The following TTLL5 variants were observed in gnomAD, a reference collection of about 807,000 sequenced individuals.
TTLL5 encodes tubulin polyglutamylase TTLL5.
In TTLL5, 132 loss-of-function variants were observed where a neutral mutation model predicts 168.4. That is an observed-to-expected ratio of 0.78 (90% CI 0.68 to 0.91). The LOEUF (loss-of-function observed/expected upper bound fraction) is 0.91, where lower values mean the gene tolerates loss of function less well. Ranked by LOEUF, TTLL5 falls within the 40% of genes least tolerant of loss-of-function variation. The probability of loss-of-function intolerance (pLI) is 0.00; values close to 1 mark genes in which losing one functional copy is unlikely to be tolerated. For synonymous variants in TTLL5, 546 were observed against 558.6 expected (o/e 0.98, Z 0.32); for missense variants, 1,545 against 1,581.5 (o/e 0.98, Z 0.39).
chr14:75,770,559 G>A (rs150218070), intron 20 of TTLL5, among the ~76,000 whole-genome samples: 144 of 152,286 alleles, frequency 9.5e-4, no homozygotes, highest in Non-Finnish European at 1.6e-3. Flanking sequence ...TCAGAAGGCC[G>A]ATCAGCTGAA....
chr14:75,856,794 T>C (rs1003441124), intron 28 of TTLL5, among the ~76,000 whole-genome samples: 1 of 152,036 alleles, frequency 6.6e-6, no homozygotes, highest in African/African-American at 2.4e-5. Context: ...TCCTGGCTAA[T>C]TTTTGTATTT....
At chr14:75,904,050 C>G in intron 31 of TTLL5, 1 of 1,191,258 alleles carries the variant, frequency 8.4e-7, no homozygotes, top group South Asian at 1.6e-5. Flanking sequence ...TACCTCATAA[C>G]CTTTTCTCTT....
At chr14:75,864,226 C>G (rs2030311884) in intron 29 of TTLL5, among the ~76,000 whole-genome samples, 1 of 152,126 alleles carries the variant, frequency 6.6e-6, no homozygotes, top group Non-Finnish European at 1.5e-5. Flanking sequence ...ATCTTTATTT[C>G]TAAATGTTCT....
At chr14:75,867,473 A>AT (rs1439065657) in intron 29 of TTLL5, among the ~76,000 whole-genome samples, 2 of 152,226 alleles carry the variant, frequency 1.3e-5, no homozygotes, top group Non-Finnish European at 2.9e-5. Flanking sequence ...TTAAAAATGA[A>AT]TTTCAGGGCC....
chr14:75,925,397 G>T lies in TTLL5; in HGVS notation c.3823+23173G>T, dbSNP rs1289523996. On this transcript the variant is annotated intron_variant, in intron 31 of 31. Coordinates refer to ENST00000298832, the MANE Select transcript of TTLL5 (RefSeq NM_015072.5). ...GACGGGGTCGCGACCGGGCAGAGGCGCTCCTCACATCCCAGACGGGGCGGC... is the reference window on the plus strand; with the variant it reads ...GACGGGGTCGCGACCGGGCAGAGGCTCTCCTCACATCCCAGACGGGGCGGC... 1.2e-4 allele frequency among the ~76,000 whole-genome samples: 3 copies of T among 24,810 alleles called. No homozygotes were observed. In the Admixed American group the frequency reaches 1.7e-3, roughly 14 times the overall value. The allele number at this position is 24,810 out of a possible 152,430, so 16.3% of individuals were successfully genotyped here. A position where few individuals can be genotyped will look rare whatever the true frequency, so the allele number is the denominator to read the frequency against.
chr14:75,775,377 AAT>A, intron 21 of TTLL5, 105 bp from the exon 22 acceptor site: 1 of 1,267,306 alleles, frequency 7.9e-7, no homozygotes, highest in Non-Finnish European at 1.1e-6. Flanking sequence ...TGAAATGTGT[AAT>A]ATATGTCTTC....
At chr14:75,745,237 T>C in intron 16 of TTLL5, 29 bp downstream of exon 16, 7 of 1,605,800 alleles carry the variant, frequency 4.4e-6, no homozygotes, top group Non-Finnish European at 6.0e-6. Flanking sequence ...TAGGCTTTTG[T>C]GGGTTAACAC....
rs1888722028 is a variant in TTLL5, at chr14:75,733,935, A to G, written c.1125-54A>G. 5 of 1,563,254 alleles carry G rather than the reference A, an allele frequency of 3.2e-6. No homozygotes were observed. In the East Asian group the frequency reaches 6.7e-5, roughly 21 times the overall value. The stretch of plus-strand genomic sequence containing the variant: ...TATTGGGACCCATCAGAGGGCGGCT[A>G]TTCTGTTAACCTACACACTTATCAA... On this transcript the variant is annotated intron_variant, in intron 13 of 31. Transcript: ENST00000298832.
chr14:75,811,858 T>G (rs2140393394), intron 27 of TTLL5, among the ~76,000 whole-genome samples: 1 of 152,282 alleles, frequency 6.6e-6, no homozygotes, highest in South Asian at 2.1e-4. Context: ...ATATTTTAAT[T>G]ATAGTGCTGG....
At chr14:75,845,371 G>A (rs1051085025) in intron 28 of TTLL5, among the ~76,000 whole-genome samples, 5 of 152,170 alleles carry the variant, frequency 3.3e-5, no homozygotes, top group African/African-American at 7.2e-5. Flanking sequence ...CTGTAGAATG[G>A]CCCTAGGGGT....
chr14:75,871,471 C>T (rs866793729), intron 29 of TTLL5, among the ~76,000 whole-genome samples: 4 of 151,892 alleles, frequency 2.6e-5, no homozygotes, highest in Non-Finnish European at 5.9e-5. Flanking sequence ...ATTGACTCTT[C>T]GTTTTCTTTT....
intron 31 of TTLL5, among the ~76,000 whole-genome samples, chr14:75,950,868 T>A (rs1316220199): frequency 6.6e-6 from 1 of 152,052 alleles, no homozygotes; most frequent in Non-Finnish European, 1.5e-5. Context: ...CTCAGGAGAC[T>A]GAGGTGAGAG....
chr14:75,863,624 T>C, intron 28 of TTLL5, 43 bp from the exon 29 acceptor site: 1 of 1,540,504 alleles, frequency 6.5e-7, no homozygotes, highest in Middle Eastern at 2.4e-4. Context: ...AGATTGTTCA[T>C]ACAGCCACTC....
At position 75,745,591 on chromosome 14, in the gene TTLL5, C is replaced by A. The variant is rs1406825117; in HGVS notation, c.1487+10C>A. 1.9e-6 allele frequency: 3 copies of A among 1,608,940 alleles called. No homozygotes were observed. The highest frequency in any genetic ancestry group is 2.2e-5 in the East Asian group (1 of 44,796). ...CATGGGAAATATATGGGTGAGGTGA[C>A]TACCTTTTTTTTTTATTCTTTACCT... On this transcript the variant is annotated intron_variant, in intron 17 of 31. Coordinates refer to ENST00000298832, the MANE Select transcript of TTLL5 (RefSeq NM_015072.5).
chr14:75,892,088 C>T (rs569468891), intron 30 of TTLL5, among the ~76,000 whole-genome samples: 68 of 152,256 alleles, frequency 4.5e-4, no homozygotes, highest in African/African-American at 1.6e-3. Flanking sequence ...ATTCTGATTT[C>T]CTCAACACTA....
intron 30 of TTLL5, among the ~76,000 whole-genome samples, chr14:75,888,098 A>G (rs1323080686): frequency 1.3e-5 from 2 of 152,220 alleles, no homozygotes; most frequent in African/African-American, 4.8e-5. Context: ...AGCGCCAGTC[A>G]GGAGCTCTGC....
intron 28 of TTLL5, among the ~76,000 whole-genome samples, chr14:75,852,301 C>T (rs898088028): frequency 1.3e-5 from 2 of 152,202 alleles, no homozygotes; most frequent in African/African-American, 4.8e-5. Context: ...CTTCCCAGCA[C>T]CCAAAACCTT....
At chr14:75,874,088 A>C (rs1321130953) in intron 29 of TTLL5, among the ~76,000 whole-genome samples, 2 of 151,884 alleles carry the variant, frequency 1.3e-5, no homozygotes, top group African/African-American at 4.8e-5. Context: ...TTATTTATTT[A>C]TTTATTTATT....
At chr14:75,900,317 T>C (rs563295628) in intron 30 of TTLL5, among the ~76,000 whole-genome samples, 18 of 152,278 alleles carry the variant, frequency 1.2e-4, no homozygotes, top group African/African-American at 4.1e-4. Context: ...CCCAAATTGC[T>C]TGCCAGAGGG....
Sources: gnomAD v4.1 joint callset for allele counts (sites outside exome capture counted in the v4.1 genomes callset) on GRCh38, gnomAD v4.1.1 for gene constraint, MANE v1.5 for transcripts, NCBI Gene and HGNC (gene_info 2026-07-23, HGNC 2026-07-21) for gene names.